DNAJC15: variants seen among roughly 807,000 people sequenced by gnomAD.
DNAJC15 encodes dnaJ homolog subfamily C member 15.
DNAJC15 carries 27 observed loss-of-function variants against 22.4 expected under a neutral mutation model. That is an observed-to-expected ratio of 1.20 (90% CI 0.89 to 1.66). DNAJC15 has a LOEUF of 1.66. Ranked by LOEUF, DNAJC15 falls within the 40% of genes most tolerant of loss-of-function variation. The pLI is 0.00. For synonymous variants in DNAJC15, 79 were observed against 63.2 expected, an observed-to-expected ratio of 1.25 and a Z score of -1.19; for missense variants, 208 against 187.1, an observed-to-expected ratio of 1.11 and a Z score of -0.65.
chr13:43,024,337 G>GTTTTTT lies in DNAJC15; in HGVS notation c.108+622_108+627dup, dbSNP rs376910976. On this transcript the variant is annotated intron_variant, in intron 1 of 5. Coordinates refer to ENST00000379221, the MANE Select transcript of DNAJC15 (RefSeq NM_013238.3). ...TTGTGAGCCACATACGTATTTTTAC[G>GTTTTTT]TTTTTTTTTTTTTTTTTTTTTTTTG... is the stretch of plus-strand genomic sequence containing the variant. Among the ~76,000 whole-genome samples, 387 of 93,372 alleles carry GTTTTTT rather than the reference G, an allele frequency of 4.1e-3. 12 individuals carry two copies. The highest frequency in any genetic ancestry group is 6.2e-3 in the African/African-American group (147 of 23,712). 61.3% of individuals were successfully genotyped at this position (93,372 alleles called of 152,430 possible).
Position 43,078,695 on chromosome 13 carries a change from G to A in DNAJC15, c.311+7G>A, listed in dbSNP as rs369630722. 1 of 1,612,140 alleles carries A rather than the reference G, an allele frequency of 6.2e-7. No homozygotes were observed. On this transcript the variant is annotated splice_region_variant and intron_variant, in intron 4 of 5. Coordinates refer to ENST00000379221, the MANE Select transcript of DNAJC15 (RefSeq NM_013238.3). ...GTCTTATTTTAGGTGTAAGGTAGGTGTGCAGCATAAGTATTGTTTTGTTGT... is the reference window on the plus strand; with the variant it reads ...GTCTTATTTTAGGTGTAAGGTAGGTATGCAGCATAAGTATTGTTTTGTTGT...
At chr13:43,036,166 C>CTTT (rs1181907862) in intron 1 of DNAJC15, among the ~76,000 whole-genome samples, 4,489 of 125,830 alleles carry the variant, frequency 0.036, 323 homozygotes, top group African/African-American at 0.13. Flanking sequence ...CAGTTTCTGT[C>CTTT]TTTTTTTTTT....
chr13:43,067,087 A>G (rs532807729), intron 2 of DNAJC15, among the ~76,000 whole-genome samples: 10 of 152,318 alleles, frequency 6.6e-5, no homozygotes, highest in Admixed American at 5.2e-4. Flanking sequence ...TGTAAGTTCT[A>G]TCGGTTTGAT....
At chr13:43,065,605 A>G in intron 1 of DNAJC15, 81 bp from the exon 2 acceptor site, 2 of 1,150,658 alleles carry the variant, frequency 1.7e-6, no homozygotes, top group Non-Finnish European at 2.6e-6. Flanking sequence ...TTGTAATGTA[A>G]TTATTCTCAT....
At chr13:43,039,161 G>A (rs2040442066) in intron 1 of DNAJC15, among the ~76,000 whole-genome samples, 1 of 152,166 alleles carries the variant, frequency 6.6e-6, no homozygotes, top group South Asian at 2.1e-4. Flanking sequence ...CTAGTCCAGT[G>A]TAGAATTGTT....
intron 5 of DNAJC15, among the ~76,000 whole-genome samples, chr13:43,106,144 T>A (rs563601376): frequency 5.3e-5 from 8 of 152,272 alleles, no homozygotes; most frequent in African/African-American, 1.9e-4. Context: ...TCAGAACAAT[T>A]TACACCAATA....
chr13:43,081,688 C>T (rs1337227655), intron 4 of DNAJC15, among the ~76,000 whole-genome samples: 1 of 152,070 alleles, frequency 6.6e-6, no homozygotes, highest in African/African-American at 2.4e-5. Flanking sequence ...CCGCCTGCCT[C>T]AGCCTCTCAA....
chr13:43,068,681 AT>A (rs1472092982), intron 2 of DNAJC15, among the ~76,000 whole-genome samples: 1 of 152,078 alleles, frequency 6.6e-6, no homozygotes, highest in Non-Finnish European at 1.5e-5. Flanking sequence ...AACATTGAAA[AT>A]TTCTAGTTTT....
intron 5 of DNAJC15, among the ~76,000 whole-genome samples, chr13:43,103,674 T>A (rs952553744): frequency 3.9e-5 from 6 of 152,238 alleles, no homozygotes; most frequent in Admixed American, 3.9e-4. Flanking sequence ...GTTGATGTTA[T>A]TTAACTTCAG....
rs1390485988 is a variant in DNAJC15, at chr13:43,030,041, TAGTC to T, written c.108+6310_108+6313del. ...GACTATGCCTCTTTGACTTTTGTAA[TAGTC>T]AGGAGAGGCCTAAAATGTCAGTATC... On this transcript the variant is annotated intron_variant, in intron 1 of 5. Transcript: ENST00000379221. Among the ~76,000 whole-genome samples, 11 of 152,288 alleles carry T rather than the reference TAGTC, an allele frequency of 7.2e-5. 1 individual carries two copies. In the South Asian group the frequency reaches 1.0e-3, roughly 14 times the overall value.
Position 43,108,896 on chromosome 13 carries a change from C to G in DNAJC15, c.*1648C>G, listed in dbSNP as rs2040811646. 6.6e-6 allele frequency: 1 copy of G among 152,076 alleles called. No individual in the cohort carries two copies. Among genetic ancestry groups the G allele is most frequent in the Non-Finnish European group, 1.5e-5 (1 of 67,990 alleles). 9.4% of individuals were successfully genotyped at this position (152,076 alleles called of 1,614,324 possible). ...TGAAGTCGATAAAATATATTTCTTG[C>G]TTTAAAGTCCCCATACGTGTCCTAC... On this transcript the variant is annotated 3_prime_UTR_variant, in exon 6 of 6. Coordinates refer to ENST00000379221, the MANE Select transcript of DNAJC15 (RefSeq NM_013238.3).
At position 43,024,253 on chromosome 13, in the gene DNAJC15, A is replaced by C. The variant is rs576218182; in HGVS notation, c.108+519A>C. 2.6e-5 allele frequency among the ~76,000 whole-genome samples: 4 copies of C among 151,680 alleles called. No homozygotes were observed. The East Asian group carries it at 7.8e-4, about 30-fold the overall frequency. Reference sequence around the variant, plus strand: ...GGAAACTCCAAGTGGTGTATTCAGGATGAACTGTAGAGCTGGAAAAAGGAA... The same window carrying C: ...GGAAACTCCAAGTGGTGTATTCAGGCTGAACTGTAGAGCTGGAAAAAGGAA... On this transcript the variant is annotated intron_variant, in intron 1 of 5. Transcript: ENST00000379221.
intron 4 of DNAJC15, among the ~76,000 whole-genome samples, chr13:43,081,979 C>T (rs1000625439): frequency 1.3e-5 from 2 of 151,934 alleles, no homozygotes; most frequent in African/African-American, 4.8e-5. Context: ...AGGGGAATTG[C>T]CCTTTATAAA....
chr13:43,024,685 A>G (rs2040371458), intron 1 of DNAJC15, among the ~76,000 whole-genome samples: 1 of 151,872 alleles, frequency 6.6e-6, no homozygotes, highest in East Asian at 1.9e-4. Flanking sequence ...AACTGAAGAG[A>G]AACAGGTGGG....
intron 1 of DNAJC15, among the ~76,000 whole-genome samples, chr13:43,055,023 G>A (rs1367483757): frequency 1.4e-5 from 2 of 145,394 alleles, no homozygotes; most frequent in African/African-American, 5.0e-5. Context: ...GCCTTAATAA[G>A]CACATTCCTT....
chr13:43,044,073 T>C (rs1235424575), intron 1 of DNAJC15, among the ~76,000 whole-genome samples: 2 of 152,240 alleles, frequency 1.3e-5, no homozygotes, highest in African/African-American at 4.8e-5. Flanking sequence ...TCTGCATGTA[T>C]AATACCTCTT....
At chr13:43,098,467 C>A (rs1022527964) in intron 5 of DNAJC15, among the ~76,000 whole-genome samples, 1 of 152,184 alleles carries the variant, frequency 6.6e-6, no homozygotes, top group Non-Finnish European at 1.5e-5. Context: ...ACCCTTCCAA[C>A]TCTGGGTTTC....
At chr13:43,053,178 T>G (rs183355059) in intron 1 of DNAJC15, among the ~76,000 whole-genome samples, 174 of 152,322 alleles carry the variant, frequency 1.1e-3, no homozygotes, top group Non-Finnish European at 2.0e-3. Context: ...CCACTTTATG[T>G]TTTTATTTGC....
chr13:43,061,454 A>C (rs576364524), intron 1 of DNAJC15, among the ~76,000 whole-genome samples: 76 of 152,296 alleles, frequency 5.0e-4, no homozygotes, highest in Non-Finnish European at 8.7e-4. Flanking sequence ...ATGCCTTTTG[A>C]TGGTCTTTGC....
Sources: gnomAD v4.1 joint callset for allele counts (sites outside exome capture counted in the v4.1 genomes callset) on GRCh38, gnomAD v4.1.1 for gene constraint, MANE v1.5 for transcripts, NCBI Gene and HGNC (gene_info 2026-07-23, HGNC 2026-07-21) for gene names.